Variants in SEC63 observed in about 807,000 individuals in gnomAD.
SEC63 encodes the protein SEC63 protein translocation regulator.
A neutral mutation model predicts 116.2 loss-of-function variants in SEC63; 56 were observed. That is an observed-to-expected ratio of 0.48 (90% CI 0.39 to 0.60). SEC63 has a LOEUF of 0.60. Ranked by LOEUF, SEC63 falls within the 20% of genes least tolerant of loss-of-function variation. SEC63 has a pLI of 0.00. For missense variants in SEC63, 668 were observed against 900.0 expected, an observed-to-expected ratio of 0.74 and a Z score of 3.30; for synonymous variants, 273 against 294.6, an observed-to-expected ratio of 0.93 and a Z score of 0.75.
At chr6:107,886,291 G>A (rs539102143) in intron 16 of SEC63, among the ~76,000 whole-genome samples, 20 of 152,272 alleles carry the variant, frequency 1.3e-4, no homozygotes, top group African/African-American at 4.6e-4. Context: ...CCAAGTCTTT[G>A]TTATTGTGAA....
intron 11 of SEC63, among the ~76,000 whole-genome samples, chr6:107,903,496 T>G (rs982099314): frequency 6.6e-6 from 1 of 151,754 alleles, no homozygotes; most frequent in Non-Finnish European, 1.5e-5. Flanking sequence ...AAGCCAGGAG[T>G]TGGAAACCAG....
intron 1 of SEC63, among the ~76,000 whole-genome samples, chr6:107,937,366 T>G (rs961201696): frequency 3.3e-5 from 5 of 152,090 alleles, no homozygotes; most frequent in Admixed American, 3.3e-4. Flanking sequence ...CCTCAGGTGA[T>G]CCACCTGCCT....
intron 1 of SEC63, among the ~76,000 whole-genome samples, chr6:107,936,375 G>A (rs1481455553): frequency 6.6e-6 from 1 of 152,178 alleles, no homozygotes; most frequent in Non-Finnish European, 1.5e-5. Context: ...CAAAATCTCT[G>A]TATGAATGAC....
At chr6:107,880,259 C>T (rs1225203091) in intron 18 of SEC63, among the ~76,000 whole-genome samples, 1 of 152,122 alleles carries the variant, frequency 6.6e-6, no homozygotes, top group African/African-American at 2.4e-5. Flanking sequence ...TTAAGCAGTC[C>T]CCAGAAACTC....
At position 107,920,261 on chromosome 6, in the gene SEC63, A is replaced by T. The variant is rs188186737; in HGVS notation, c.452+1536T>A. Among the ~76,000 whole-genome samples, 233 of 151,958 alleles carry T rather than the reference A, an allele frequency of 1.5e-3. 2 individuals carry two copies. The highest frequency in any genetic ancestry group is 5.2e-3 in the African/African-American group (216 of 41,452). On this transcript the variant is annotated intron_variant, in intron 4 of 20. Transcript: ENST00000369002. ...ACATGGTAAAACCCCATCTCTGCTA[A>T]AAATACAAAAAAACATTAGCCGGGC...
At chr6:107,955,267 T>C (rs1583785399) in intron 1 of SEC63, among the ~76,000 whole-genome samples, 1 of 152,116 alleles carries the variant, frequency 6.6e-6, no homozygotes, top group East Asian at 1.9e-4. Flanking sequence ...GTTCAAGCAA[T>C]TCTCCCTGCC....
rs1476543660 is a variant in SEC63, at chr6:107,958,003, C to T, written c.7G>A (p.Gly3Arg). The T allele has an allele frequency of 3.7e-6, 6 of 1,613,216 alleles. No individual in the cohort carries two copies. Among genetic ancestry groups the T allele is most frequent in the Non-Finnish European group, 5.1e-6 (6 of 1,179,502 alleles). The change falls in exon 1 of 21, where the codon GGG (glycine) becomes AGG (arginine). Residue 3 changes from glycine (G) to arginine (R), a missense_variant. This residue lies in a region of SEC63 where 142 missense variants were observed against 169.5 expected (regional missense o/e 0.84). Transcript: ENST00000369002. ...CTGTCATCGTACTGGAACTGCTGCC[C>T]GGCCATGGCACCCCCTCCTCCGCCT... Reference protein sequence around the residue: MAGQQFQYDDSGN... With the variant: MARQQFQYDDSGN...
intron 3 of SEC63, among the ~76,000 whole-genome samples, chr6:107,923,726 T>C (rs955794223): frequency 2.7e-5 from 4 of 149,118 alleles, no homozygotes; most frequent in African/African-American, 7.5e-5. Context: ...AGCCTGGGTG[T>C]CACTATGTTG....
At chr6:107,918,621 G>T (rs980800840) in intron 4 of SEC63, among the ~76,000 whole-genome samples, 1 of 151,458 alleles carries the variant, frequency 6.6e-6, no homozygotes, top group African/African-American at 2.4e-5. Flanking sequence ...GAATCCAGGA[G>T]GCAAAGGTAG....
intron 13 of SEC63, among the ~76,000 whole-genome samples, chr6:107,900,288 A>G (rs888356684): frequency 6.6e-6 from 1 of 151,888 alleles, no homozygotes; most frequent in African/African-American, 2.4e-5. Context: ...GCATGACACC[A>G]CTGGGCCCAG....
At chr6:107,951,395 G>T (rs962905959) in intron 1 of SEC63, among the ~76,000 whole-genome samples, 1 of 152,228 alleles carries the variant, frequency 6.6e-6, no homozygotes, top group African/African-American at 2.4e-5. Context: ...AGAACTTTAC[G>T]TTACTGTTCT....
At chr6:107,957,730 G>A (rs962521731) in intron 1 of SEC63, 156 bp downstream of exon 1, 2 of 665,902 alleles carry the variant, frequency 3.0e-6, no homozygotes, top group South Asian at 5.3e-5. Flanking sequence ...CTGCTGACCC[G>A]GGCCCCGCCA....
intron 1 of SEC63, among the ~76,000 whole-genome samples, chr6:107,937,825 A>T (rs1469179209): frequency 1.3e-5 from 2 of 149,614 alleles, no homozygotes; most frequent in Non-Finnish European, 3.0e-5. Context: ...TTGGCCACTT[A>T]AAAAAAAAAT....
chr6:107,920,752 G>C (rs1457512273), intron 4 of SEC63, among the ~76,000 whole-genome samples: 1 of 152,100 alleles, frequency 6.6e-6, no homozygotes, highest in Non-Finnish European at 1.5e-5. Context: ...ATCTAGTTAA[G>C]TTTTATCTCT....
rs1447053944 is a variant in SEC63, at chr6:107,957,809, G to A, written c.124+77C>T. Reference sequence around the variant, plus strand: ...TCCCGGACGCCGCGGGCTGGGGCCGGGCAAGCGGGCGCCGCAGGGCCTGGG... The same window carrying A: ...TCCCGGACGCCGCGGGCTGGGGCCGAGCAAGCGGGCGCCGCAGGGCCTGGG... On this transcript the variant is annotated intron_variant, in intron 1 of 20. Coordinates refer to ENST00000369002, the MANE Select transcript of SEC63 (RefSeq NM_007214.5). 3.5e-5 allele frequency: 48 copies of A among 1,373,668 alleles called. No homozygotes were observed. The South Asian group carries it at 7.1e-4, about 20-fold the overall frequency. The allele number at this position is 1,373,668 out of a possible 1,614,324, so 85.1% of individuals were successfully genotyped here.
chr6:107,924,608 T>C (rs1787632887), intron 3 of SEC63, among the ~76,000 whole-genome samples: 2 of 152,164 alleles, frequency 1.3e-5, no homozygotes, highest in Non-Finnish European at 2.9e-5. Context: ...TATTCTTATA[T>C]TTTAGCAATT....
At chr6:107,914,833 A>G (rs927533139) in intron 4 of SEC63, among the ~76,000 whole-genome samples, 1 of 152,148 alleles carries the variant, frequency 6.6e-6, no homozygotes, top group Non-Finnish European at 1.5e-5. Context: ...ATGCAAAACA[A>G]ACTGCTCTGT....
chr6:107,928,538 C>A (rs1315012160), intron 2 of SEC63, among the ~76,000 whole-genome samples: 3 of 150,666 alleles, frequency 2.0e-5, no homozygotes, highest in Non-Finnish European at 4.4e-5. Flanking sequence ...TAAAGTAAAA[C>A]CTTACAAAGA....
rs535447128 is a variant in SEC63 at position 107,876,817 on chromosome 6, G to A, written c.1936-155C>T. 1.3e-4 allele frequency: 80 copies of A among 616,016 alleles called. No individual in the cohort carries two copies. The South Asian group carries it at 1.5e-3, about 11-fold the overall frequency. 38.2% of individuals were successfully genotyped at this position (616,016 alleles called of 1,614,324 possible). On this transcript the variant is annotated intron_variant, in intron 18 of 20. Transcript: ENST00000369002. ...GTATTCAAATGAATATTTACTGAAA[G>A]AATAAGCTGTTCTTAACATTTGTAG... is the stretch of plus-strand genomic sequence containing the variant.
Sources: gnomAD v4.1 joint callset for allele counts (sites outside exome capture counted in the v4.1 genomes callset) on GRCh38, gnomAD v4.1.1 for gene constraint, gnomAD v4.1.1 regional missense constraint, MANE v1.5 for transcripts, NCBI Gene and HGNC (gene_info 2026-07-23, HGNC 2026-07-21) for gene names.